The following NMNAT3 variants were observed in gnomAD, a reference collection of about 807,000 sequenced individuals.
The protein encoded by NMNAT3 is nicotinamide nucleotide adenylyltransferase 3, also known as nicotinamide/nicotinic acid mononucleotide adenylyltransferase 3.
A neutral mutation model predicts 24.8 loss-of-function variants in NMNAT3; 21 were observed. The observed-to-expected ratio is 0.85, with a 90% CI of 0.60 to 1.22. The LOEUF (loss-of-function observed/expected upper bound fraction) is 1.22. Among genes scored for constraint, NMNAT3 ranks in the 50% most tolerant of loss-of-function variants. The pLI is 0.00. For missense variants in NMNAT3, 387 were observed against 436.6 expected (o/e 0.89, Z 1.01); for synonymous variants, 136 against 155.2 (o/e 0.88, Z 0.92).
chr3:139,594,038 A>C (rs295467), intron 3 of NMNAT3, among the ~76,000 whole-genome samples: 1 of 151,722 alleles, frequency 6.6e-6, no homozygotes, highest in African/African-American at 2.4e-5. Flanking sequence ...TTTTTTGAAA[A>C]GATCAACAAA....
chr3:139,599,235 A>T, intron 3 of NMNAT3: 1 of 649,716 alleles, frequency 1.5e-6, no homozygotes, highest in Non-Finnish European at 2.8e-6. Flanking sequence ...TGAGAAAAGC[A>T]TTAGGTAATG....
chr3:139,647,576 G>C (rs969815789), intron 1 of NMNAT3, among the ~76,000 whole-genome samples: 2 of 152,150 alleles, frequency 1.3e-5, no homozygotes, highest in Non-Finnish European at 2.9e-5. Context: ...TTATAAAAGG[G>C]AGGTAAGGGG....
Position 139,601,822 on chromosome 3 carries a change from C to T in NMNAT3, c.110-18614G>A, listed in dbSNP as rs1306063395. Among the ~76,000 whole-genome samples, 4 of 152,102 alleles carry T rather than the reference C, an allele frequency of 2.6e-5. No individual in the cohort carries two copies. The East Asian group carries it at 5.8e-4, about 22-fold the overall frequency. On this transcript the variant is annotated intron_variant, in intron 3 of 6. Coordinates refer to ENST00000643695, the MANE Select transcript of NMNAT3 (RefSeq NM_001320510.2). Reference sequence around the variant, plus strand: ...AAGAAGCTCTGAACAGGTTGGAACACGTTTTCTGGAGGATGGGACATTGAA... The same window carrying T: ...AAGAAGCTCTGAACAGGTTGGAACATGTTTTCTGGAGGATGGGACATTGAA...
intron 1 of NMNAT3, among the ~76,000 whole-genome samples, chr3:139,648,046 G>A (rs962554795): frequency 1.3e-5 from 2 of 152,196 alleles, no homozygotes; most frequent in African/African-American, 4.8e-5. Context: ...ATATGGTTTG[G>A]CTGTGGTCCC....
intron 3 of NMNAT3, among the ~76,000 whole-genome samples, chr3:139,596,916 G>GTATA (rs58824425): frequency 3.8e-3 from 365 of 96,708 alleles, no homozygotes; most frequent in African/African-American, 0.012. Flanking sequence ...TGTCATGTGT[G>GTATA]TATATATATA....
At chr3:139,641,230 C>T (rs2056691522) in intron 1 of NMNAT3, among the ~76,000 whole-genome samples, 1 of 152,202 alleles carries the variant, frequency 6.6e-6, no homozygotes, top group Non-Finnish European at 1.5e-5. Context: ...CCATACCAGG[C>T]TCCCTCCCAC....
intron 3 of NMNAT3, among the ~76,000 whole-genome samples, chr3:139,584,672 G>A (rs1024457425): frequency 6.6e-6 from 1 of 152,164 alleles, no homozygotes; most frequent in Non-Finnish European, 1.5e-5. Flanking sequence ...TTGCACTGCA[G>A]TCAGAGAATA....
At chr3:139,621,729 T>C (rs1163706636) in intron 3 of NMNAT3, among the ~76,000 whole-genome samples, 1 of 152,216 alleles carries the variant, frequency 6.6e-6, no homozygotes, top group African/African-American at 2.4e-5. Flanking sequence ...GTTCTCTTCA[T>C]CCTTCTGCTT....
intron 1 of NMNAT3, among the ~76,000 whole-genome samples, chr3:139,645,652 C>A (rs2056846884): frequency 6.6e-6 from 1 of 152,080 alleles, no homozygotes. Flanking sequence ...TGAGTCAGTC[C>A]CCTTTATAAG....
intron 3 of NMNAT3, chr3:139,609,574 G>A (rs886380154): frequency 5.2e-5 from 1 of 19,244 alleles, no homozygotes; most frequent in Non-Finnish European, 1.8e-3. Context: ...TTCATTTCCT[G>A]ATTGTGTTTT....
chr3:139,573,153 A>G (rs1938681774), intron 6 of NMNAT3, among the ~76,000 whole-genome samples: 1 of 152,228 alleles, frequency 6.6e-6, no homozygotes, highest in Non-Finnish European at 1.5e-5. Flanking sequence ...AAATTCCCTT[A>G]AAAATAGGTT....
intron 1 of NMNAT3, among the ~76,000 whole-genome samples, chr3:139,653,321 G>A (rs755759538): frequency 6.6e-6 from 1 of 151,838 alleles, no homozygotes; most frequent in Non-Finnish European, 1.5e-5. Context: ...AGGTGATATT[G>A]TTAAAACCCC....
intron 3 of NMNAT3, among the ~76,000 whole-genome samples, chr3:139,626,272 C>G (rs528327067): frequency 6.6e-6 from 1 of 152,042 alleles, no homozygotes; most frequent in Middle Eastern, 3.4e-3. Context: ...CAAGTTTTCC[C>G]GTATCTCATT....
chr3:139,628,282 T>C (rs909350065), intron 2 of NMNAT3, among the ~76,000 whole-genome samples: 4 of 152,262 alleles, frequency 2.6e-5, no homozygotes, highest in African/African-American at 9.6e-5. Flanking sequence ...TTTTATACTC[T>C]TTATCCAGAT....
In NMNAT3 at chr3:139,597,074, A is replaced by G. The variant is rs552814570; in HGVS notation, c.110-13866T>C. On this transcript the variant is annotated intron_variant, in intron 3 of 6. Coordinates refer to ENST00000643695, the MANE Select transcript of NMNAT3 (RefSeq NM_001320510.2). Reference sequence around the variant, plus strand: ...CTTATTAGTTCTAATAGTTTTTCAAATGCTTCTCCTGGACTTTCTAAGGAC... The same window carrying G: ...CTTATTAGTTCTAATAGTTTTTCAAGTGCTTCTCCTGGACTTTCTAAGGAC... 1.7e-4 allele frequency among the ~76,000 whole-genome samples: 25 copies of G among 151,418 alleles called. No homozygotes were observed. In the East Asian group the frequency reaches 2.9e-3, roughly 18 times the overall value.
Position 139,579,041 on chromosome 3 carries a change from T to G in NMNAT3, c.406A>C (p.Ile136Leu). 1 of 1,613,818 alleles carries G rather than the reference T, an allele frequency of 6.2e-7. No individual in the cohort carries two copies. The highest frequency in any genetic ancestry group is 8.5e-7 in the Non-Finnish European group (1 of 1,179,892). Residue 136 changes from isoleucine (I) to leucine (L), a missense_variant, in exon 5 of 7, where the codon ATC becomes CTC. This residue lies in a region of NMNAT3 where 323 missense variants were observed against 345.2 expected (regional missense o/e 0.94). Transcript: ENST00000643695. ...TTGACAGGAGAGATGATACCCTGGA[T>G]GACCTGGTACATTCCTAGGTAAGAG...
chr3:139,566,371 A>T (rs1376504246), intron 6 of NMNAT3: 2 of 152,046 alleles, frequency 1.3e-5, no homozygotes, highest in Non-Finnish European at 2.9e-5. Flanking sequence ...GTTTAATTAG[A>T]TCCCATTTGT....
At chr3:139,670,685 A>G (rs2057729037) in intron 1 of NMNAT3, among the ~76,000 whole-genome samples, 2 of 152,218 alleles carry the variant, frequency 1.3e-5, no homozygotes, top group South Asian at 4.1e-4. Flanking sequence ...TTCCTGAGGT[A>G]CTAGAATACA....
chr3:139,639,684 T>C (rs935188290), intron 1 of NMNAT3, among the ~76,000 whole-genome samples: 3 of 152,236 alleles, frequency 2.0e-5, no homozygotes, highest in Non-Finnish European at 4.4e-5. Flanking sequence ...TGGCTACTGC[T>C]GTTGCCATGA....
Sources: allele counts gnomAD v4.1 joint callset (sites outside exome capture counted in the v4.1 genomes callset), GRCh38; gene constraint gnomAD v4.1.1; regional missense constraint gnomAD v4.1.1; transcripts MANE v1.5; gene names NCBI Gene and HGNC (gene_info 2026-07-23, HGNC 2026-07-21).